SLC1A2: variants seen among roughly 807,000 people sequenced by gnomAD.
SLC1A2 encodes solute carrier family 1 member 2, also known as excitatory amino acid transporter 2.
Under a neutral mutation model 48.8 loss-of-function variants are expected in SLC1A2, and 15 were observed. That is an observed-to-expected ratio of 0.31 (90% CI 0.21 to 0.47). SLC1A2 has a LOEUF of 0.47. Ranked by LOEUF, SLC1A2 falls within the 20% of genes least tolerant of loss-of-function variation. The pLI, the probability that SLC1A2 is intolerant of heterozygous loss-of-function variation, is 0.99. For synonymous variants in SLC1A2, 279 were observed against 272.6 expected (o/e 1.02, Z -0.23); for missense variants, 502 against 730.5 (o/e 0.69, Z 3.61).
At chr11:35,284,250 T>C (rs1054662820) in intron 8 of SLC1A2, among the ~76,000 whole-genome samples, 3 of 152,006 alleles carry the variant, frequency 2.0e-5, no homozygotes, top group African/African-American at 7.2e-5. Flanking sequence ...CTGGCCCAGT[T>C]ACCTCAACTT....
intron 1 of SLC1A2, among the ~76,000 whole-genome samples, chr11:35,376,078 A>T (rs1038757400): frequency 7.9e-5 from 12 of 151,950 alleles, no homozygotes; most frequent in African/African-American, 2.9e-4. Flanking sequence ...AGGCTTAAAA[A>T]CTCCTATTTG....
intron 1 of SLC1A2, among the ~76,000 whole-genome samples, chr11:35,382,365 T>C (rs751438327): frequency 1.1e-4 from 17 of 152,218 alleles, no homozygotes; most frequent in Non-Finnish European, 2.4e-4. Flanking sequence ...TTCCATAGAG[T>C]GATTCTTCAA....
At chr11:35,335,127 G>A (rs115606439) in intron 1 of SLC1A2, among the ~76,000 whole-genome samples, 1,775 of 152,146 alleles carry the variant, frequency 0.012, 36 homozygotes, top group African/African-American at 0.041. Flanking sequence ...CATAGACATA[G>A]CCTTCAATTG....
intron 1 of SLC1A2, among the ~76,000 whole-genome samples, chr11:35,417,735 G>A (rs569779968): frequency 5.6e-4 from 86 of 152,342 alleles, no homozygotes; most frequent in African/African-American, 1.9e-3. Flanking sequence ...GAAGGACTCT[G>A]GGGGACAGAA....
At chr11:35,364,713 A>G (rs1853785693) in intron 1 of SLC1A2, among the ~76,000 whole-genome samples, 1 of 152,216 alleles carries the variant, frequency 6.6e-6, no homozygotes, top group Admixed American at 6.5e-5. Flanking sequence ...AGGTTAATAC[A>G]TACACACCCC....
chr11:35,414,724 C>A (rs1855560722), intron 1 of SLC1A2, among the ~76,000 whole-genome samples: 2 of 152,232 alleles, frequency 1.3e-5, no homozygotes, highest in Admixed American at 1.3e-4. Context: ...ACTGCGAAGA[C>A]AAGTTCTTTA....
chr11:35,270,973 G>A (rs919274892), intron 9 of SLC1A2, among the ~76,000 whole-genome samples: 2 of 152,142 alleles, frequency 1.3e-5, no homozygotes, highest in African/African-American at 2.4e-5. Flanking sequence ...TGTGAAGAAC[G>A]AACTAAAAAA....
chr11:35,418,642 A>C, intron 1 of SLC1A2: 1 of 408,012 alleles, frequency 2.5e-6, no homozygotes, highest in East Asian at 5.2e-5. Flanking sequence ...CCAATCCCCT[A>C]TTGTTTTGAA....
Position 35,387,256 on chromosome 11 carries a change from G to T in SLC1A2, c.17+31694C>A, listed in dbSNP as rs192177351. Among the ~76,000 whole-genome samples, 12 of 152,240 alleles carry T rather than the reference G, an allele frequency of 7.9e-5. No homozygotes were observed. The East Asian group carries it at 2.3e-3, about 29-fold the overall frequency. ...TTCTGGGGTGGGTGGGGGAAGAAAT[G>T]CCAGTTCAAGATGCTGCTTCTAGAA... On this transcript the variant is annotated intron_variant, in intron 1 of 10. Transcript: ENST00000278379.
intron 1 of SLC1A2, among the ~76,000 whole-genome samples, chr11:35,398,504 C>T (rs1472244719): frequency 1.3e-5 from 2 of 151,986 alleles, no homozygotes; most frequent in African/African-American, 4.8e-5. Context: ...ACACTGGGGT[C>T]TACTTGAGGG....
intron 1 of SLC1A2, among the ~76,000 whole-genome samples, chr11:35,348,118 C>T (rs149830826): frequency 5.1e-4 from 77 of 152,318 alleles, no homozygotes; most frequent in African/African-American, 1.8e-3. Context: ...CATTGCTCTG[C>T]AGGAGGAATT....
intron 1 of SLC1A2, among the ~76,000 whole-genome samples, chr11:35,407,197 A>G (rs567198813): frequency 2.6e-5 from 4 of 152,208 alleles, no homozygotes; most frequent in African/African-American, 7.2e-5. Context: ...CACTCTACAG[A>G]TGACCAGGGT....
chr11:35,320,114 A>T (rs1041855775), intron 1 of SLC1A2, among the ~76,000 whole-genome samples: 1 of 152,250 alleles, frequency 6.6e-6, no homozygotes, highest in African/African-American at 2.4e-5. Flanking sequence ...ATAGCATGAT[A>T]GAATATTATA....
intron 7 of SLC1A2, among the ~76,000 whole-genome samples, chr11:35,288,787 T>C (rs538189421): frequency 6.6e-6 from 1 of 151,086 alleles, no homozygotes; most frequent in African/African-American, 2.4e-5. Flanking sequence ...ATTGCTGGCA[T>C]ACATTTATGT....
intron 1 of SLC1A2, among the ~76,000 whole-genome samples, chr11:35,386,877 T>C (rs1854599561): frequency 6.6e-6 from 1 of 152,192 alleles, no homozygotes; most frequent in Non-Finnish European, 1.5e-5. Context: ...GTGACTAACC[T>C]GCAGTGCTTT....
chr11:35,382,143 A>G (rs1463560468), intron 1 of SLC1A2, among the ~76,000 whole-genome samples: 2 of 152,228 alleles, frequency 1.3e-5, no homozygotes, highest in Non-Finnish European at 2.9e-5. Context: ...AATCAAACTC[A>G]GCTCCATGTT....
At chr11:35,373,750 C>A (rs1854134087) in intron 1 of SLC1A2, among the ~76,000 whole-genome samples, 1 of 152,152 alleles carries the variant, frequency 6.6e-6, no homozygotes, top group Admixed American at 6.5e-5. Context: ...TGCCATGATA[C>A]AGAGCACTGG....
At chr11:35,298,362 T>C (rs1022160011) in intron 6 of SLC1A2, 3 of 152,176 alleles carry the variant, frequency 2.0e-5, no homozygotes, top group Admixed American at 2.0e-4. Context: ...TTATAATCTT[T>C]TCAATGTTAC....
Position 35,312,288 on chromosome 11 carries a change from C to A in SLC1A2, c.471G>T (p.Lys157Asn). ...CCAGGCTGGACACTTCATCATTCTT[C>A]TTCCCAGGCCCCAGCTGCTTCTTGA... ...PKLKKQLGPGKKNDEVSSLDA... is the reference protein window; with the variant it reads ...PKLKKQLGPGNKNDEVSSLDA... The change falls in exon 4 of 11, where the codon AAG becomes AAT. Residue 157 changes from lysine to asparagine, a missense_variant. By Grantham distance (94) the Lys-to-Asn change is moderately conservative. Around this residue, in one of 4 missense-constraint regions of SLC1A2, gnomAD observed 309 missense variants for 480.3 expected, o/e 0.64. Transcript: ENST00000278379. 1.2e-6 allele frequency: 2 copies of A among 1,614,194 alleles called. No homozygotes were observed. The highest frequency in any genetic ancestry group is 2.2e-5 in the South Asian group (2 of 91,078).
Sources: gnomAD v4.1 joint callset for allele counts (sites outside exome capture counted in the v4.1 genomes callset) on GRCh38, gnomAD v4.1.1 for gene constraint, gnomAD v4.1.1 regional missense constraint, MANE v1.5 for transcripts, NCBI Gene and HGNC (gene_info 2026-07-23, HGNC 2026-07-21) for gene names.